Variants in CD82 observed in about 807,000 individuals in gnomAD.
CD82 encodes the protein CD82 molecule.
A neutral mutation model predicts 37.4 loss-of-function variants in CD82; 36 were observed. That is an observed-to-expected ratio of 0.96 (90% CI 0.74 to 1.27). The LOEUF is 1.27. Among genes scored for constraint, CD82 ranks in the 50% most tolerant of loss-of-function variants. CD82 has a pLI of 0.00. For synonymous variants in CD82, 158 were observed against 137.4 expected (o/e 1.15, Z -1.05); for missense variants, 340 against 347.0 (o/e 0.98, Z 0.16).
At chr11:44,603,732 G>T (rs1368980405) in intron 4 of CD82, among the ~76,000 whole-genome samples, 2 of 152,172 alleles carry the variant, frequency 1.3e-5, no homozygotes, top group African/African-American at 2.4e-5. Flanking sequence ...GATGGGTTGG[G>T]TGTCTTAGGA....
intron 6 of CD82, among the ~76,000 whole-genome samples, chr11:44,610,460 T>G (rs1387601747): frequency 6.6e-6 from 1 of 152,202 alleles, no homozygotes; most frequent in Non-Finnish European, 1.5e-5. Context: ...ACTCTTACAT[T>G]TGGATGATTT....
chr11:44,585,902 G>C (rs764014659), intron 1 of CD82, among the ~76,000 whole-genome samples: 2 of 152,192 alleles, frequency 1.3e-5, no homozygotes, highest in African/African-American at 2.4e-5. Flanking sequence ...ATTGCTCTGG[G>C]GTAACAGACT....
intron 4 of CD82, among the ~76,000 whole-genome samples, chr11:44,601,520 G>C (rs1279149386): frequency 6.6e-6 from 1 of 152,156 alleles, no homozygotes; most frequent in Admixed American, 6.5e-5. Context: ...GCCCAACCCA[G>C]CAGGCACTGC....
At chr11:44,576,016 G>A (rs1437515471) in intron 1 of CD82, among the ~76,000 whole-genome samples, 1 of 152,224 alleles carries the variant, frequency 6.6e-6, no homozygotes, top group African/African-American at 2.4e-5. Context: ...CCGGCCCCAA[G>A]TGAGAGGCCT....
upstream of CD82, among the ~76,000 whole-genome samples, chr11:44,565,344 T>C (rs920718799): frequency 6.6e-6 from 1 of 151,996 alleles, no homozygotes; most frequent in African/African-American, 2.4e-5. Flanking sequence ...GCGGGACCGT[T>C]AGGCAGCGCC....
At chr11:44,578,618 G>A (rs999523682) in intron 1 of CD82, among the ~76,000 whole-genome samples, 4 of 152,216 alleles carry the variant, frequency 2.6e-5, no homozygotes, top group Non-Finnish European at 5.9e-5. Context: ...AGGGGAACTC[G>A]CCCAAGGCCC....
Position 44,608,913 on chromosome 11 carries a change from C to T in CD82, c.336+3484C>T, listed in dbSNP as rs539564187. Among the ~76,000 whole-genome samples, 463 of 152,378 alleles carry T rather than the reference C, an allele frequency of 3.0e-3. 4 individuals are homozygous for T. Among genetic ancestry groups the T allele is most frequent in the Non-Finnish European group, 4.2e-3 (285 of 68,034 alleles). The stretch of plus-strand genomic sequence containing the variant: ...TTCAGAGATGAAGAGCACTAACAAA[C>T]GGGAAGGGCGTCGTGCGGCACTCAG... On this transcript the variant is annotated intron_variant, in intron 6 of 9. Transcript: ENST00000227155.
At chr11:44,571,032 C>T (rs1852806925) in intron 1 of CD82, among the ~76,000 whole-genome samples, 1 of 152,164 alleles carries the variant, frequency 6.6e-6, no homozygotes, top group Non-Finnish European at 1.5e-5. Flanking sequence ...CGCCCCACCC[C>T]GCAACTTGAC....
At chr11:44,575,394 T>G (rs1852876339) in intron 1 of CD82, among the ~76,000 whole-genome samples, 1 of 152,308 alleles carries the variant, frequency 6.6e-6, no homozygotes, top group Non-Finnish European at 1.5e-5. Context: ...GGTGGGAAGA[T>G]GAGTCAGTGG....
intron 4 of CD82, 102 bp from the exon 5 acceptor site, chr11:44,604,956 C>T: frequency 1.9e-6 from 3 of 1,550,444 alleles, no homozygotes; most frequent in Non-Finnish European, 1.8e-6. Context: ...CTGACCCCAA[C>T]ACCCTGGCTC....
At chr11:44,618,807 G>C in intron 9 of CD82, 84 bp downstream of exon 9, 3 of 1,176,062 alleles carry the variant, frequency 2.6e-6, no homozygotes, top group Non-Finnish European at 3.7e-6. Flanking sequence ...GGGAGGTGGT[G>C]GCCAAGGGGG....
intron 6 of CD82, among the ~76,000 whole-genome samples, chr11:44,605,801 C>T (rs117886685): frequency 9.4e-4 from 143 of 152,320 alleles, no homozygotes; most frequent in Non-Finnish European, 1.7e-3. Context: ...ACACATAGCG[C>T]ATGGCACCAT....
intron 1 of CD82, among the ~76,000 whole-genome samples, chr11:44,582,590 A>G (rs80319833): frequency 0.065 from 9,921 of 152,088 alleles, 411 homozygotes; most frequent in Non-Finnish European, 0.099. Flanking sequence ...TGGAATTTAG[A>G]TCTCTCTCAG....
At chr11:44,613,343 G>A (rs916097498) in intron 6 of CD82, among the ~76,000 whole-genome samples, 1 of 152,244 alleles carries the variant, frequency 6.6e-6, no homozygotes, top group African/African-American at 2.4e-5. Context: ...TATCGCCGAG[G>A]GAGGCCCTGC....
intron 4 of CD82, among the ~76,000 whole-genome samples, chr11:44,603,788 G>A (rs745470032): frequency 3.3e-5 from 5 of 152,140 alleles, no homozygotes; most frequent in Admixed American, 1.3e-4. Flanking sequence ...TCTACCTCCC[G>A]GAATGGGCCT....
At position 44,605,289 on chromosome 11, in the gene CD82, G is replaced by A; in HGVS notation, c.262-66G>A. 3.7e-6 allele frequency: 6 copies of A among 1,610,834 alleles called. No homozygotes were observed. In the South Asian group the frequency reaches 6.6e-5, roughly 18 times the overall value. ...CATCGGGTGGAGAGCATCTCTCGGGGCACGCAGGCTGGGTGCACCTGGTCG... is the reference window on the plus strand; with the variant it reads ...CATCGGGTGGAGAGCATCTCTCGGGACACGCAGGCTGGGTGCACCTGGTCG... On this transcript the variant is annotated intron_variant, in intron 5 of 9. Coordinates refer to ENST00000227155, the MANE Select transcript of CD82 (RefSeq NM_002231.4).
At chr11:44,574,862 A>G (rs1157350541) in intron 1 of CD82, among the ~76,000 whole-genome samples, 1 of 152,186 alleles carries the variant, frequency 6.6e-6, no homozygotes, top group African/African-American at 2.4e-5. Flanking sequence ...GCACCATAGG[A>G]ATCTTCTGTG....
intron 6 of CD82, among the ~76,000 whole-genome samples, chr11:44,613,617 G>T (rs1404588518): frequency 6.6e-6 from 1 of 152,140 alleles, no homozygotes; most frequent in African/African-American, 2.4e-5. Flanking sequence ...GAGGTCAGGA[G>T]TTCGAGACCA....
At chr11:44,591,189 C>T (rs1853140439) in intron 2 of CD82, among the ~76,000 whole-genome samples, 1 of 152,178 alleles carries the variant, frequency 6.6e-6, no homozygotes, top group Non-Finnish European at 1.5e-5. Flanking sequence ...GCCTCTGGAC[C>T]CACCCAGCTG....
Sources: allele counts gnomAD v4.1 joint callset (sites outside exome capture counted in the v4.1 genomes callset), GRCh38; gene constraint gnomAD v4.1.1; transcripts MANE v1.5; gene names NCBI Gene and HGNC (gene_info 2026-07-23, HGNC 2026-07-21).